Variants in TTC6 observed in about 807,000 individuals in gnomAD.
TTC6 encodes tetratricopeptide repeat protein 6.
A neutral mutation model predicts 210.4 loss-of-function variants in TTC6; 172 were observed. The observed-to-expected ratio is 0.82, with a 90% confidence interval of 0.72 to 0.93. The LOEUF (loss-of-function observed/expected upper bound fraction) is 0.93. Among genes scored for constraint, TTC6 ranks in the 40% least tolerant of loss-of-function variants. The pLI, the probability that TTC6 is intolerant of heterozygous loss-of-function variation, is 0.00. For missense variants in TTC6, 2,414 were observed against 2,318.1 expected (o/e 1.04, Z -0.85); for synonymous variants, 804 against 819.6 (o/e 0.98, Z 0.32).
At chr14:37,657,435 A>G (rs1337233120) in intron 1 of TTC6, among the ~76,000 whole-genome samples, 1 of 151,760 alleles carries the variant, frequency 6.6e-6, no homozygotes, top group African/African-American at 2.4e-5. Flanking sequence ...ACTACCCAGG[A>G]GAGTGTTTGG....
At chr14:37,825,730 G>GT (rs1457528302) in intron 27 of TTC6, among the ~76,000 whole-genome samples, 19 of 152,018 alleles carry the variant, frequency 1.2e-4, no homozygotes, top group African/African-American at 4.3e-4. Flanking sequence ...ATCAGAATAT[G>GT]TTTACACCAT....
chr14:37,840,278 A>G (rs1029418705), intron 29 of TTC6, among the ~76,000 whole-genome samples: 4 of 152,200 alleles, frequency 2.6e-5, no homozygotes, highest in Non-Finnish European at 5.9e-5. Context: ...CACCCTCCCA[A>G]GACTAAACCA....
At chr14:37,732,727 T>TC (rs1405124759) in intron 7 of TTC6, among the ~76,000 whole-genome samples, 63 of 151,326 alleles carry the variant, frequency 4.2e-4, no homozygotes, top group South Asian at 6.3e-4. Context: ...CACGCCATTC[T>TC]CTGCCTCAGC....
chr14:37,785,630 G>A (rs564247926), intron 14 of TTC6, among the ~76,000 whole-genome samples: 3 of 152,250 alleles, frequency 2.0e-5, no homozygotes, highest in South Asian at 2.1e-4. Context: ...TCAACTCGTC[G>A]AAGTCATTCC....
intron 14 of TTC6, among the ~76,000 whole-genome samples, chr14:37,774,168 T>A (rs2096029738): frequency 6.6e-6 from 1 of 152,126 alleles, no homozygotes; most frequent in Non-Finnish European, 1.5e-5. Context: ...GGGCAGAAAC[T>A]ATGGGGGTTT....
chr14:37,669,145 C>T (rs551793203), intron 1 of TTC6, among the ~76,000 whole-genome samples: 11 of 152,262 alleles, frequency 7.2e-5, no homozygotes, highest in Non-Finnish European at 1.5e-4. Flanking sequence ...TAAAAGTTTC[C>T]ACACCTTCAT....
At chr14:37,781,407 G>T (rs915968789) in intron 14 of TTC6, among the ~76,000 whole-genome samples, 8 of 152,094 alleles carry the variant, frequency 5.3e-5, no homozygotes, top group Admixed American at 1.3e-4. Flanking sequence ...TCATATGTCT[G>T]TTGGCTGCAT....
chr14:37,739,911 C>T (rs543998530), intron 10 of TTC6, among the ~76,000 whole-genome samples: 3 of 152,104 alleles, frequency 2.0e-5, no homozygotes, highest in Admixed American at 2.0e-4. Context: ...CCCTTGTAAT[C>T]CCAGCACTTT....
chr14:37,617,753 T>C (rs2095645041), upstream of TTC6, among the ~76,000 whole-genome samples: 1 of 152,218 alleles, frequency 6.6e-6, no homozygotes, highest in Non-Finnish European at 1.5e-5. Flanking sequence ...AAGATTTTAC[T>C]AAATGAGATA....
At chr14:37,821,031 CTT>C (rs2096155462) in intron 26 of TTC6, among the ~76,000 whole-genome samples, 9 of 146,036 alleles carry the variant, frequency 6.2e-5, no homozygotes, top group African/African-American at 1.5e-4. Flanking sequence ...TCCTCTTCTT[CTT>C]CTTCTTCTTC....
At chr14:37,821,495 G>T (rs1233317981) in intron 26 of TTC6, among the ~76,000 whole-genome samples, 1 of 152,074 alleles carries the variant, frequency 6.6e-6, no homozygotes, top group African/African-American at 2.4e-5. Flanking sequence ...TCCCATATGT[G>T]GATGTTAACC....
chr14:37,655,459 A>G (rs556642084), intron 1 of TTC6, among the ~76,000 whole-genome samples: 1 of 152,240 alleles, frequency 6.6e-6, no homozygotes, highest in African/African-American at 2.4e-5. Context: ...GACATCTTGA[A>G]TTTATGGGGT....
chr14:37,733,359 A>G (rs557138993), intron 7 of TTC6, among the ~76,000 whole-genome samples: 3 of 151,800 alleles, frequency 2.0e-5, no homozygotes, highest in East Asian at 3.9e-4. Flanking sequence ...GAATCATTTT[A>G]CCCTCTGCCT....
chr14:37,616,093 G>A (rs531165390), intron 2 of TTC6, among the ~76,000 whole-genome samples: 1 of 152,342 alleles, frequency 6.6e-6, no homozygotes, highest in South Asian at 2.1e-4. Flanking sequence ...TCTGTGGTTG[G>A]TGGTTCAGTT....
chr14:37,738,750 T>C (rs1209642589), intron 9 of TTC6, 26 bp from the exon 12 acceptor site: 1 of 1,422,080 alleles, frequency 7.0e-7, no homozygotes, highest in African/African-American at 1.4e-5. Context: ...TTTACGTTTT[T>C]TCTACCTCTT....
Position 37,738,631 on chromosome 14 carries a change from A to G in TTC6, c.1984-145A>G, listed in dbSNP as rs17107025. The stretch of plus-strand genomic sequence containing the variant: ...ATTAACTTTATCAGCTGACTTTTGA[A>G]TAATTTTAAGAATACTGATTTTTAA... On this transcript the variant is annotated intron_variant, in intron 9 of 30. Coordinates refer to ENST00000553443, the Ensembl canonical transcript of TTC6. 349 of 725,138 alleles carry G rather than the reference A, an allele frequency of 4.8e-4. 1 individual carries two copies. The African/African-American group carries it at 5.8e-3, about 12-fold the overall frequency. 44.9% of individuals were successfully genotyped at this position (725,138 alleles called of 1,614,324 possible). A position where few individuals can be genotyped will look rare whatever the true frequency, so the allele number is the denominator to read the frequency against.
intron 6 of TTC6, among the ~76,000 whole-genome samples, chr14:37,721,433 G>A (rs1393023292): frequency 2.0e-5 from 3 of 152,070 alleles, no homozygotes; most frequent in East Asian, 1.9e-4. Flanking sequence ...GCAAAATCAT[G>A]GTAAGGGACA....
intron 1 of TTC6, among the ~76,000 whole-genome samples, chr14:37,632,237 C>G (rs2095671306): frequency 6.6e-6 from 1 of 152,184 alleles, no homozygotes; most frequent in African/African-American, 2.4e-5. Flanking sequence ...GTGTTTTTTC[C>G]TCATCTTCTT....
At chr14:37,762,882 C>CTTTTTTTTTTT (rs369694046) in intron 14 of TTC6, among the ~76,000 whole-genome samples, 1 of 129,598 alleles carries the variant, frequency 7.7e-6, no homozygotes, top group Non-Finnish European at 1.6e-5. Flanking sequence ...CTTTTCTTTT[C>CTTTTTTTTTTT]TTTTTTTTTT....
Sources: allele counts gnomAD v4.1 joint callset (sites outside exome capture counted in the v4.1 genomes callset), GRCh38; gene constraint gnomAD v4.1.1; transcripts MANE v1.5; gene names NCBI Gene and HGNC (gene_info 2026-07-23, HGNC 2026-07-21).